GALNT17: variants seen among roughly 807,000 people sequenced by gnomAD.
GALNT17 encodes the protein UDP-GalNAc:polypeptide N-acetylgalactosaminyltransferase-like 3.
In GALNT17, 29 loss-of-function variants were observed where a neutral mutation model predicts 63.7. That is an observed-to-expected ratio of 0.46 (90% CI 0.34 to 0.62). The LOEUF (loss-of-function observed/expected upper bound fraction) is 0.62, where lower values mean the gene tolerates loss of function less well. Among genes scored for constraint, GALNT17 ranks in the 20% least tolerant of loss-of-function variants. The pLI is 0.01. For missense variants in GALNT17, 603 were observed against 799.6 expected, an observed-to-expected ratio of 0.75 and a Z score of 2.97; for synonymous variants, 305 against 318.3, an observed-to-expected ratio of 0.96 and a Z score of 0.45.
At chr7:71,289,633 A>C (rs901883365) in intron 1 of GALNT17, among the ~76,000 whole-genome samples, 3 of 152,080 alleles carry the variant, frequency 2.0e-5, no homozygotes, top group African/African-American at 4.8e-5. Context: ...TAATCCCAGC[A>C]CTTTGGGAGG....
At chr7:71,707,972 G>C (rs949445053) in intron 9 of GALNT17, among the ~76,000 whole-genome samples, 1 of 152,146 alleles carries the variant, frequency 6.6e-6, no homozygotes, top group African/African-American at 2.4e-5. Flanking sequence ...AAGGAATAGC[G>C]GAGGATGTGG....
At chr7:71,319,803 A>G (rs994971565) in intron 1 of GALNT17, among the ~76,000 whole-genome samples, 2 of 152,152 alleles carry the variant, frequency 1.3e-5, no homozygotes, top group Non-Finnish European at 2.9e-5. Context: ...ACTCTCACAT[A>G]TCTTTGGGTA....
intron 1 of GALNT17, among the ~76,000 whole-genome samples, chr7:71,183,010 A>G (rs1788761447): frequency 6.6e-6 from 1 of 152,182 alleles, no homozygotes; most frequent in East Asian, 1.9e-4. Flanking sequence ...TTCATGCCAG[A>G]GCACTGCAGG....
chr7:71,514,652 G>A (rs1276365198), intron 5 of GALNT17, among the ~76,000 whole-genome samples: 1 of 152,162 alleles, frequency 6.6e-6, no homozygotes, highest in Non-Finnish European at 1.5e-5. Context: ...TTTCTGAAAT[G>A]TGTTCTAATC....
intron 5 of GALNT17, among the ~76,000 whole-genome samples, chr7:71,520,973 A>G (rs1158622197): frequency 1.3e-5 from 2 of 152,208 alleles, no homozygotes; most frequent in Non-Finnish European, 2.9e-5. Context: ...GGATCAGTTC[A>G]GTCTTCAGAC....
At chr7:71,577,465 C>G (rs1405248088) in intron 6 of GALNT17, among the ~76,000 whole-genome samples, 1 of 152,070 alleles carries the variant, frequency 6.6e-6, no homozygotes, top group Non-Finnish European at 1.5e-5. Flanking sequence ...CACCAGTAAG[C>G]CATCATGGAG....
At chr7:71,455,937 A>G (rs1437012504) in intron 5 of GALNT17, among the ~76,000 whole-genome samples, 2 of 152,180 alleles carry the variant, frequency 1.3e-5, no homozygotes, top group Admixed American at 1.3e-4. Context: ...CCTACCCCTC[A>G]GAGCTCCTGT....
intron 2 of GALNT17, among the ~76,000 whole-genome samples, chr7:71,376,436 T>C: frequency 8.7e-6 from 1 of 115,150 alleles, no homozygotes; most frequent in Non-Finnish European, 2.0e-5. Flanking sequence ...TTTTTTTTTT[T>C]TTTTTTTTTT....
At chr7:71,288,111 G>T (rs1790908459) in intron 1 of GALNT17, among the ~76,000 whole-genome samples, 2 of 149,318 alleles carry the variant, frequency 1.3e-5, no homozygotes, top group Admixed American at 6.7e-5. Context: ...AGCTACTCGG[G>T]AGGCTGAGGC....
chr7:71,232,997 A>T (rs1004075229), intron 1 of GALNT17, among the ~76,000 whole-genome samples: 2 of 152,074 alleles, frequency 1.3e-5, no homozygotes, highest in Non-Finnish European at 2.9e-5. Flanking sequence ...TGTCTCCTTT[A>T]ATCCTCTCAA....
intron 1 of GALNT17, chr7:71,307,835 T>G (rs1161304836): frequency 6.7e-6 from 1 of 149,660 alleles, no homozygotes; most frequent in African/African-American, 2.5e-5. Flanking sequence ...GAGTGAAGCA[T>G]TTTTTTTTTC....
intron 2 of GALNT17, among the ~76,000 whole-genome samples, chr7:71,383,433 T>G (rs1166325645): frequency 6.6e-6 from 1 of 152,180 alleles, no homozygotes; most frequent in African/African-American, 2.4e-5. Flanking sequence ...TTATTGATTT[T>G]ATATCATTAT....
intron 6 of GALNT17, among the ~76,000 whole-genome samples, chr7:71,602,837 C>T (rs1351309973): frequency 6.6e-6 from 1 of 152,164 alleles, no homozygotes; most frequent in Non-Finnish European, 1.5e-5. Context: ...CTGATGGGAA[C>T]ACTGGAAATA....
intron 9 of GALNT17, among the ~76,000 whole-genome samples, chr7:71,706,458 C>T (rs1042848979): frequency 2.6e-5 from 4 of 152,214 alleles, no homozygotes; most frequent in South Asian, 2.1e-4. Context: ...TAGTGCTGCT[C>T]ATCTGCCTGC....
chr7:71,451,120 CCT>C, intron 5 of GALNT17, among the ~76,000 whole-genome samples: 2 of 152,154 alleles, frequency 1.3e-5, no homozygotes, highest in Admixed American at 1.3e-4. Flanking sequence ...GTGATGTTCC[CCT>C]TCCTGTGTCC....
chr7:71,512,580 T>A (rs1345372326), intron 5 of GALNT17, among the ~76,000 whole-genome samples: 1 of 152,238 alleles, frequency 6.6e-6, no homozygotes, highest in Non-Finnish European at 1.5e-5. Flanking sequence ...TTCTCAGCTC[T>A]TTCTGTTTCT....
chr7:71,503,200 A>G (rs1788208248), intron 5 of GALNT17, among the ~76,000 whole-genome samples: 1 of 152,152 alleles, frequency 6.6e-6, no homozygotes, highest in East Asian at 1.9e-4. Flanking sequence ...GCAATTCCCT[A>G]CACGATCACA....
chr7:71,432,261 A>G (rs1786880442), intron 5 of GALNT17, among the ~76,000 whole-genome samples: 2 of 152,032 alleles, frequency 1.3e-5, no homozygotes, highest in Non-Finnish European at 2.9e-5. Context: ...ATGGAGTTGT[A>G]TGGGTAGGGC....
intron 1 of GALNT17, among the ~76,000 whole-genome samples, chr7:71,244,047 T>G (rs753107488): frequency 1.3e-4 from 20 of 152,138 alleles, no homozygotes; most frequent in Non-Finnish European, 2.4e-4. Context: ...AGGTGGCGTT[T>G]TCTGTGCCTG....
Sources: gnomAD v4.1 joint callset for allele counts (sites outside exome capture counted in the v4.1 genomes callset) on GRCh38, gnomAD v4.1.1 for gene constraint, MANE v1.5 for transcripts, NCBI Gene and HGNC (gene_info 2026-07-23, HGNC 2026-07-21) for gene names.